The following ZNF479 variants were observed in gnomAD, a reference collection of about 807,000 sequenced individuals.
ZNF479 encodes zinc finger protein 479.
Under a neutral mutation model 14.7 loss-of-function variants are expected in ZNF479, and 15 were observed. The ratio of observed to expected loss-of-function variants is 1.02; its 90% CI spans 0.68 to 1.57. The LOEUF is 1.57. Among genes scored for constraint, ZNF479 ranks in the 40% most tolerant of loss-of-function variants. The probability of loss-of-function intolerance (pLI) is 0.00; values close to 1 mark genes in which losing one functional copy is unlikely to be tolerated. For synonymous variants in ZNF479, 145 were observed against 211.5 expected, an observed-to-expected ratio of 0.69 and a Z score of 2.73; for missense variants, 506 against 615.1, an observed-to-expected ratio of 0.82 and a Z score of 1.88.
chr7:57,130,931 A>G (rs1786390579), intron 1 of ZNF479, among the ~76,000 whole-genome samples: 1 of 152,234 alleles, frequency 6.6e-6, no homozygotes, highest in Non-Finnish European at 1.5e-5. Context: ...ATAAGAAAGA[A>G]CAACATCATG....
At chr7:57,136,529 T>C (rs1786661559), upstream of ZNF479, among the ~76,000 whole-genome samples, 1 of 152,228 alleles carries the variant, frequency 6.6e-6, no homozygotes, top group Non-Finnish European at 1.5e-5. Context: ...TTTCTCTTGG[T>C]TTCTACCATC....
At chr7:57,127,349 T>C (rs1786219741) in intron 1 of ZNF479, among the ~76,000 whole-genome samples, 1 of 152,134 alleles carries the variant, frequency 6.6e-6, no homozygotes. Context: ...GAGTGCTATA[T>C]TTACATCATA....
At chr7:57,125,022 A>G (rs1483979055) in intron 3 of ZNF479, among the ~76,000 whole-genome samples, 4 of 152,182 alleles carry the variant, frequency 2.6e-5, no homozygotes, top group African/African-American at 7.2e-5. Context: ...TGTGAGCTGA[A>G]ATCGCACCAT....
intron 1 of ZNF479, 24 bp downstream of exon 1, chr7:57,132,262 C>T (rs1583946927): frequency 1.2e-6 from 2 of 1,613,942 alleles, no homozygotes; most frequent in African/African-American, 2.7e-5. Flanking sequence ...ACCCCTCTCT[C>T]ACGATGACAG....
chr7:57,133,345 T>C (rs1191331933), upstream of ZNF479, among the ~76,000 whole-genome samples: 1 of 152,012 alleles, frequency 6.6e-6, no homozygotes, highest in Admixed American at 6.6e-5. Flanking sequence ...CCTTCTGTCA[T>C]GGTCATGAAT....
intron 1 of ZNF479, among the ~76,000 whole-genome samples, chr7:57,138,883 T>C (rs1002465964): frequency 2.0e-5 from 3 of 152,152 alleles, no homozygotes; most frequent in African/African-American, 7.2e-5. Flanking sequence ...CGGTCACATG[T>C]GGATTGAGCC....
chr7:57,125,271 G>A lies in ZNF479; in HGVS notation c.262+747C>T, dbSNP rs567760914. Among the ~76,000 whole-genome samples the A allele has an allele frequency of 2.2e-3, 337 of 152,034 alleles. 1 individual carries two copies. Among genetic ancestry groups the A allele is most frequent in the African/African-American group, 7.6e-3 (316 of 41,458 alleles). On this transcript the variant is annotated intron_variant, in intron 3 of 3. Transcript: ENST00000319636. ...TTTTAAAACACCAACTGTTGATGAT[G>A]TAAAGAAATTGAAACCTATGTAAGT...
At position 57,127,015 on chromosome 7, in the gene ZNF479, C is replaced by CTTTTTTTTTTTTTTTTTTTTTTTTTTTT; in HGVS notation, c.40-298_40-297insAAAAAAAAAAAAAAAAAAAAAAAAAAAA. On this transcript the variant is annotated intron_variant, in intron 1 of 3. Transcript: ENST00000319636. ...ACATGTCTTTTTCTTTTCTGTTTTTCTTTTTTTTTTCTTTTTTTTTTTTTT... is the reference window on the plus strand; with the variant it reads ...ACATGTCTTTTTCTTTTCTGTTTTTCTTTTTTTTTTTTTTTTTTTTTTTTTTTTTTTTTTTTTTCTTTTTTTTTTTTTT... Among the ~76,000 whole-genome samples the CTTTTTTTTTTTTTTTTTTTTTTTTTTTT allele has an allele frequency of 1.5e-5, 2 of 130,344 alleles. 1 individual carries two copies. The allele number at this position is 130,344 out of a possible 152,430, so 85.5% of individuals were successfully genotyped here. A position where few individuals can be genotyped will look rare whatever the true frequency, so the allele number is the denominator to read the frequency against.
intron 1 of ZNF479, among the ~76,000 whole-genome samples, chr7:57,129,290 C>T (rs1443225716): frequency 6.6e-6 from 1 of 152,118 alleles, no homozygotes; most frequent in African/African-American, 2.4e-5. Context: ...GTTTATAAAT[C>T]ACTTGGTAAT....
chr7:57,132,386 A>C lies in ZNF479; in HGVS notation c.-62T>G, dbSNP rs1583947171. On this transcript the variant is annotated 5_prime_UTR_variant, in exon 1 of 4. Transcript: ENST00000319636. ...GGCTTGGCCTCTAGGAGCAGAGGAC[A>C]CAGAGCAGTGAAGAGGAGAACTGCA... The C allele has an allele frequency of 8.7e-6, 14 of 1,613,122 alleles. No homozygotes were observed. Among genetic ancestry groups the C allele is most frequent in the African/African-American group, 6.7e-5 (5 of 75,042 alleles).
chr7:57,134,194 G>A (rs1786545146), upstream of ZNF479, among the ~76,000 whole-genome samples: 5 of 152,066 alleles, frequency 3.3e-5, no homozygotes, highest in South Asian at 1.0e-3. Flanking sequence ...CTAAGTCACA[G>A]GATAAATAGA....
At chr7:57,121,841 T>C (rs1219527137) in intron 3 of ZNF479, among the ~76,000 whole-genome samples, 37 of 152,154 alleles carry the variant, frequency 2.4e-4, no homozygotes, top group African/African-American at 8.9e-4. Flanking sequence ...AAAGCAACTA[T>C]AAAAACAAAG....
intron 1 of ZNF479, among the ~76,000 whole-genome samples, chr7:57,130,748 A>C (rs1176954132): frequency 2.0e-5 from 3 of 152,218 alleles, no homozygotes; most frequent in Admixed American, 6.5e-5. Context: ...CCAATCCCGC[A>C]ATTGGGAATA....
rs540633169 is a variant in ZNF479 at position 57,120,746 on chromosome 7, G to A, written c.669C>T (p.Asn223=). ...TATGTGTAGTATGGTTTGAGGAGCA[G>A]TTAAAGGATTTGCCACATTCTTTGC... The part of the protein sequence containing the change: ...YKCKECGKSF[N]CSSNHTTHKI... The change falls in exon 4 of 4, where the codon AAC becomes AAT. Residue 223 remains asparagine (N), a synonymous_variant. Transcript: ENST00000319636. 1 of 1,612,738 alleles carries A rather than the reference G, an allele frequency of 6.2e-7. No individual in the cohort carries two copies. The highest frequency in any genetic ancestry group is 8.5e-7 in the Non-Finnish European group (1 of 1,179,434).
intron 3 of ZNF479, among the ~76,000 whole-genome samples, chr7:57,123,250 G>A (rs1257828092): frequency 5.9e-5 from 9 of 152,154 alleles, no homozygotes; most frequent in Admixed American, 5.2e-4. Context: ...GGAGGAGCCA[G>A]GTTCCTTTAA....
chr7:57,134,464 T>C (rs761290759), upstream of ZNF479, among the ~76,000 whole-genome samples: 13 of 152,158 alleles, frequency 8.5e-5, no homozygotes, highest in African/African-American at 1.7e-4. Context: ...TTCTGGAAAT[T>C]GCCCATGCCT....
chr7:57,127,205 T>C (rs1299870267), intron 1 of ZNF479, among the ~76,000 whole-genome samples: 1 of 151,848 alleles, frequency 6.6e-6, no homozygotes, highest in African/African-American at 2.4e-5. Flanking sequence ...GTATTTTTAG[T>C]AGAGATGGGG....
chr7:57,133,407 TA>T (rs60551032), upstream of ZNF479, among the ~76,000 whole-genome samples: 85,641 of 150,306 alleles, frequency 0.57, 24,915 homozygotes, highest in African/African-American at 0.69. Context: ...TCAATTTACT[TA>T]AAAAAAAAAA....
intron 1 of ZNF479, among the ~76,000 whole-genome samples, chr7:57,131,009 T>TA (rs1307878202): frequency 4.0e-5 from 6 of 151,778 alleles, no homozygotes; most frequent in Admixed American, 3.9e-4. Flanking sequence ...GAACAGAAAA[T>TA]AAAAAACTGT....
Sources: allele counts gnomAD v4.1 joint callset (sites outside exome capture counted in the v4.1 genomes callset), GRCh38; gene constraint gnomAD v4.1.1; transcripts MANE v1.5; gene names NCBI Gene and HGNC (gene_info 2026-07-23, HGNC 2026-07-21).